RORA: variants seen among roughly 807,000 people sequenced by gnomAD.
RORA encodes nuclear receptor ROR-alpha.
A neutral mutation model predicts 69.5 loss-of-function variants in RORA; 7 were observed. The observed-to-expected ratio is 0.10, with a 90% CI of 0.06 to 0.19. The LOEUF (loss-of-function observed/expected upper bound fraction) is 0.19. Among genes scored for constraint, RORA ranks in the 10% least tolerant of loss-of-function variants. RORA has a pLI of 1.00. For missense variants in RORA, 457 were observed against 663.0 expected (o/e 0.69, Z 3.41); for synonymous variants, 261 against 240.8 (o/e 1.08, Z -0.78).
chr15:60,792,803 C>G (rs185721219), intron 1 of RORA, among the ~76,000 whole-genome samples: 15 of 152,172 alleles, frequency 9.9e-5, no homozygotes, highest in Non-Finnish European at 4.4e-5. Context: ...GGAAATGACA[C>G]CAAATGGTAA....
At chr15:60,686,145 A>G (rs183407064) in intron 1 of RORA, among the ~76,000 whole-genome samples, 1 of 152,332 alleles carries the variant, frequency 6.6e-6, no homozygotes, top group East Asian at 1.9e-4. Context: ...AATTTTGGAC[A>G]GGCAGACCAG....
intron 1 of RORA, among the ~76,000 whole-genome samples, chr15:61,027,651 C>A (rs192851720): frequency 6.0e-4 from 91 of 152,290 alleles, no homozygotes; most frequent in African/African-American, 2.2e-3. Context: ...TTTACTCAGG[C>A]ATCATCTCTA....
At chr15:61,030,171 AAAGAGAC>A (rs1305224492) in intron 1 of RORA, among the ~76,000 whole-genome samples, 1 of 152,168 alleles carries the variant, frequency 6.6e-6, no homozygotes, top group African/African-American at 2.4e-5. Flanking sequence ...AAAGGAAACT[AAAGAGAC>A]CTGACAACTA....
At chr15:60,820,523 G>T (rs10519077) in intron 1 of RORA, among the ~76,000 whole-genome samples, 1 of 151,866 alleles carries the variant, frequency 6.6e-6, no homozygotes, top group African/African-American at 2.4e-5. Flanking sequence ...CGTGAAGAAG[G>T]TTTAAGATTT....
chr15:61,059,039 C>A (rs1458509636), intron 1 of RORA, among the ~76,000 whole-genome samples: 1 of 152,198 alleles, frequency 6.6e-6, no homozygotes, highest in Non-Finnish European at 1.5e-5. Context: ...TAATTACTAA[C>A]TACCTCTGCC....
At chr15:60,706,016 T>C (rs1328688389) in intron 1 of RORA, among the ~76,000 whole-genome samples, 1 of 152,122 alleles carries the variant, frequency 6.6e-6, no homozygotes, top group African/African-American at 2.4e-5. Flanking sequence ...GGTGAGGAAA[T>C]GGAGCTATAG....
chr15:61,004,926 C>T (rs1301275543), intron 1 of RORA, among the ~76,000 whole-genome samples: 1 of 152,214 alleles, frequency 6.6e-6, no homozygotes, highest in African/African-American at 2.4e-5. Context: ...TTTATGCAGA[C>T]AGGCACTCTT....
At chr15:60,507,954 C>G (rs1275925974) in intron 5 of RORA, among the ~76,000 whole-genome samples, 1 of 152,192 alleles carries the variant, frequency 6.6e-6, no homozygotes, top group Non-Finnish European at 1.5e-5. Flanking sequence ...AAAAGTGAGA[C>G]AACAAATCAT....
rs965614354 is a variant in RORA, at chr15:60,896,901, C to T, written c.167-218215G>A. On this transcript the variant is annotated intron_variant, in intron 1 of 10. Coordinates refer to ENST00000335670, the MANE Select transcript of RORA (RefSeq NM_134261.3). ...CACTTTATCTAAGTGGGGCCTGACA[C>T]TTGGGTAGTACTCAATAAGAAAATT... Among the ~76,000 whole-genome samples the T allele has an allele frequency of 4.6e-5, 7 of 152,090 alleles. No individual in the cohort carries two copies. In the East Asian group the frequency reaches 1.3e-3, roughly 29 times the overall value.
Position 60,531,657 on chromosome 15 carries a change from A to T in RORA, c.282+109T>A. 1.6e-6 allele frequency: 1 copy of T among 629,690 alleles called. No homozygotes were observed. The highest frequency in any genetic ancestry group is 2.1e-5 in the South Asian group (1 of 48,040). The allele number at this position is 629,690 out of a possible 1,614,324, so 39.0% of individuals were successfully genotyped here. ...TTCTTCTATCCTGTAATTTCTTATC[A>T]TTCAAAATTCTAAGGAGTTGAATTT... On this transcript the variant is annotated intron_variant, in intron 3 of 10. Coordinates refer to ENST00000335670, the MANE Select transcript of RORA (RefSeq NM_134261.3). This position sits in a 1 kb window ranked among gnomAD's most constrained non-coding sequence, Gnocchi z 4.8.
chr15:60,510,998 G>A (rs1054264404), intron 5 of RORA, among the ~76,000 whole-genome samples: 7 of 152,090 alleles, frequency 4.6e-5, no homozygotes, highest in Non-Finnish European at 8.8e-5. Context: ...GACTGCTTCC[G>A]TTGGTTTTGC....
At chr15:61,142,495 C>T (rs1439471877) in intron 1 of RORA, among the ~76,000 whole-genome samples, 1 of 152,134 alleles carries the variant, frequency 6.6e-6, no homozygotes, top group Non-Finnish European at 1.5e-5. Flanking sequence ...GGAAAGAAAA[C>T]TTTTAAGTTA....
intron 1 of RORA, among the ~76,000 whole-genome samples, chr15:61,109,462 A>G (rs2078983297): frequency 6.6e-6 from 1 of 152,204 alleles, no homozygotes; most frequent in African/African-American, 2.4e-5. Flanking sequence ...AGGTGGTTTC[A>G]GTCAACACCT....
intron 1 of RORA, among the ~76,000 whole-genome samples, chr15:60,790,980 C>G (rs193247092): frequency 5.3e-5 from 8 of 152,120 alleles, no homozygotes; most frequent in Admixed American, 2.0e-4. Flanking sequence ...CATTGCCCCC[C>G]CAAAAAGCTT....
chr15:60,592,458 C>G (rs1468567848), intron 2 of RORA: 3 of 1,393,438 alleles, frequency 2.2e-6, no homozygotes, highest in Non-Finnish European at 2.8e-6. Context: ...GCGGATGGTC[C>G]GACCCCGGAG....
chr15:61,124,799 C>G (rs2079130168), intron 1 of RORA, among the ~76,000 whole-genome samples: 1 of 152,180 alleles, frequency 6.6e-6, no homozygotes. Flanking sequence ...CTCAGTTTCT[C>G]CATCTGATAA....
chr15:60,553,902 T>A (rs1436930974), intron 2 of RORA, among the ~76,000 whole-genome samples: 1 of 152,222 alleles, frequency 6.6e-6, no homozygotes, highest in Non-Finnish European at 1.5e-5. Flanking sequence ...TATTGCCCTT[T>A]GTTAAAATGG....
At chr15:60,558,200 T>G in intron 2 of RORA, 8 of 1,542,810 alleles carry the variant, frequency 5.2e-6, no homozygotes, top group African/African-American at 1.4e-5. Context: ...GGAGGACAGG[T>G]CAGGAGGCCT....
At chr15:60,509,823 G>C (rs1314856006) in intron 5 of RORA, among the ~76,000 whole-genome samples, 3 of 150,632 alleles carry the variant, frequency 2.0e-5, no homozygotes, top group Non-Finnish European at 4.4e-5. Flanking sequence ...ACCTACCTCT[G>C]CTCAGCTTGG....
Sources: allele counts gnomAD v4.1 joint callset (sites outside exome capture counted in the v4.1 genomes callset), GRCh38; gene constraint gnomAD v4.1.1; non-coding constraint Gnocchi (gnomAD v3.1); transcripts MANE v1.5; gene names NCBI Gene and HGNC (gene_info 2026-07-23, HGNC 2026-07-21).